The following TMEM163 variants were observed in gnomAD, a reference collection of about 807,000 sequenced individuals.
TMEM163 encodes the protein transmembrane protein 163.
TMEM163 carries 17 observed loss-of-function variants against 29.3 expected under a neutral mutation model. The ratio of observed to expected loss-of-function variants is 0.58; its 90% CI spans 0.40 to 0.87. The LOEUF (loss-of-function observed/expected upper bound fraction) is 0.87. Among genes scored for constraint, TMEM163 ranks in the 40% least tolerant of loss-of-function variants. TMEM163 has a pLI of 0.00. For synonymous variants in TMEM163, 157 were observed against 160.6 expected, an observed-to-expected ratio of 0.98 and a Z score of 0.17; for missense variants, 303 against 381.5, an observed-to-expected ratio of 0.79 and a Z score of 1.71.
intron 2 of TMEM163, among the ~76,000 whole-genome samples, chr2:134,559,020 CCT>C (rs1681109669): frequency 6.6e-6 from 1 of 152,148 alleles, no homozygotes; most frequent in African/African-American, 2.4e-5. Flanking sequence ...AATTTGGACC[CCT>C]CTTAGTTCCA....
intron 5 of TMEM163, among the ~76,000 whole-genome samples, chr2:134,470,626 C>T (rs1209553995): frequency 6.6e-6 from 1 of 152,188 alleles, no homozygotes; most frequent in African/African-American, 2.4e-5. Context: ...CTGCAGCTCA[C>T]CACTGCTGAG....
chr2:134,693,037 C>A (rs375424333), intron 2 of TMEM163, among the ~76,000 whole-genome samples: 1 of 152,120 alleles, frequency 6.6e-6, no homozygotes, highest in Non-Finnish European at 1.5e-5. Context: ...TACTGCCAGG[C>A]CATAACCCAG....
chr2:134,553,475 T>C (rs1338011796), intron 2 of TMEM163, among the ~76,000 whole-genome samples: 1 of 152,152 alleles, frequency 6.6e-6, no homozygotes, highest in Non-Finnish European at 1.5e-5. Context: ...CAGCAACTTG[T>C]AAATGCTGGA....
At position 134,575,264 on chromosome 2, in the gene TMEM163, A is replaced by G. The variant is rs908748833; in HGVS notation, c.323-23173T>C. On this transcript the variant is annotated intron_variant, in intron 2 of 7. Coordinates refer to ENST00000281924, the MANE Select transcript of TMEM163 (RefSeq NM_030923.5). ...GTTGGCCTTGATTTTTCATCTACAG[A>G]ATGGACCCTGATTAAGCCATTCTGG... Among the ~76,000 whole-genome samples the G allele has an allele frequency of 8.5e-5, 13 of 152,078 alleles. 1 individual carries two copies. The highest frequency in any genetic ancestry group is 3.1e-4 in the African/African-American group (13 of 41,390).
chr2:134,531,661 G>C (rs555990), intron 4 of TMEM163, among the ~76,000 whole-genome samples: 29,320 of 152,176 alleles, frequency 0.19, 2,975 homozygotes, highest in Admixed American at 0.27. Flanking sequence ...CAGAAGAAGG[G>C]ATGCATGGAG....
At chr2:134,540,114 G>A (rs758624156) in intron 4 of TMEM163, among the ~76,000 whole-genome samples, 6 of 152,218 alleles carry the variant, frequency 3.9e-5, no homozygotes, top group Non-Finnish European at 8.8e-5. Context: ...CATCCATAGC[G>A]CTAGGCCCTG....
At chr2:134,472,922 G>A (rs1686835955) in intron 5 of TMEM163, among the ~76,000 whole-genome samples, 1 of 152,142 alleles carries the variant, frequency 6.6e-6, no homozygotes, top group Non-Finnish European at 1.5e-5. Flanking sequence ...GTAACAGGAT[G>A]ATATCTAGAA....
At chr2:134,713,603 A>G (rs1222106731) in intron 1 of TMEM163, 3 of 556,832 alleles carry the variant, frequency 5.4e-6, no homozygotes, top group South Asian at 1.5e-5. Flanking sequence ...ACTCCTTGAC[A>G]TACCACACCA....
intron 2 of TMEM163, among the ~76,000 whole-genome samples, chr2:134,708,227 A>G (rs1684859744): frequency 6.6e-6 from 1 of 152,184 alleles, no homozygotes; most frequent in Non-Finnish European, 1.5e-5. Context: ...TTTCCATGTT[A>G]CTCAGCACAC....
At chr2:134,706,833 T>C (rs1411773460) in intron 2 of TMEM163, among the ~76,000 whole-genome samples, 1 of 152,174 alleles carries the variant, frequency 6.6e-6, no homozygotes, top group African/African-American at 2.4e-5. Flanking sequence ...CAAAGGGGCC[T>C]GTCTGAAATA....
chr2:134,494,706 T>A (rs1425628582), intron 5 of TMEM163, among the ~76,000 whole-genome samples: 1 of 152,194 alleles, frequency 6.6e-6, no homozygotes, highest in Non-Finnish European at 1.5e-5. Flanking sequence ...TTCTTAACAA[T>A]CCTATAAAGA....
chr2:134,492,213 A>T (rs573258214), intron 5 of TMEM163, among the ~76,000 whole-genome samples: 207 of 152,320 alleles, frequency 1.4e-3, no homozygotes, highest in African/African-American at 4.9e-3. Context: ...TACTGAGTGT[A>T]TGTGTCACAA....
chr2:134,593,084 G>C (rs938382491), intron 2 of TMEM163, among the ~76,000 whole-genome samples: 3 of 152,164 alleles, frequency 2.0e-5, no homozygotes, highest in Non-Finnish European at 2.9e-5. Context: ...CAATACCTGG[G>C]TTATGTGGTA....
Position 134,713,420 on chromosome 2 carries a change from G to A in TMEM163, c.203-101C>T, listed in dbSNP as rs1241906194. 9.1e-6 allele frequency: 14 copies of A among 1,534,736 alleles called. No homozygotes were observed. The African/African-American group carries it at 9.5e-5, about 10-fold the overall frequency. ...CCCAAAGATTGCAAACTAACAGCCCGTGGGCCAAGACGTGTTTTGTTTGGC... is the reference window on the plus strand; with the variant it reads ...CCCAAAGATTGCAAACTAACAGCCCATGGGCCAAGACGTGTTTTGTTTGGC... On this transcript the variant is annotated intron_variant, in intron 1 of 7. Transcript: ENST00000281924.
chr2:134,693,163 C>T (rs1202626503), intron 2 of TMEM163, among the ~76,000 whole-genome samples: 1 of 152,148 alleles, frequency 6.6e-6, no homozygotes, highest in Non-Finnish European at 1.5e-5. Context: ...CCCTCCCCAC[C>T]CTCTAGGCTC....
chr2:134,554,318 C>T (rs1400294697), intron 2 of TMEM163, among the ~76,000 whole-genome samples: 4 of 149,386 alleles, frequency 2.7e-5, no homozygotes, highest in Admixed American at 6.7e-5. Flanking sequence ...CCCAGCTGCT[C>T]GGCAGGCTGA....
chr2:134,681,747 AGGG>A (rs1201938320), intron 2 of TMEM163, among the ~76,000 whole-genome samples: 2 of 152,212 alleles, frequency 1.3e-5, no homozygotes, highest in East Asian at 1.9e-4. Context: ...AACTTCAATC[AGGG>A]TGTGTGGAAT....
chr2:134,476,544 A>T (rs935732561), intron 5 of TMEM163, among the ~76,000 whole-genome samples: 3 of 152,244 alleles, frequency 2.0e-5, no homozygotes, highest in Admixed American at 2.0e-4. Flanking sequence ...TGACATTTAC[A>T]TAATTCAGCT....
At chr2:134,572,049 G>C (rs1681442647) in intron 2 of TMEM163, among the ~76,000 whole-genome samples, 1 of 152,180 alleles carries the variant, frequency 6.6e-6, no homozygotes, top group African/African-American at 2.4e-5. Context: ...CTTGCAAGCA[G>C]GCTTTTCTAA....
Sources: gnomAD v4.1 joint callset for allele counts (sites outside exome capture counted in the v4.1 genomes callset) on GRCh38, gnomAD v4.1.1 for gene constraint, MANE v1.5 for transcripts, NCBI Gene and HGNC (gene_info 2026-07-23, HGNC 2026-07-21) for gene names.